The following ORM2 variants were observed in gnomAD, a reference collection of about 807,000 sequenced individuals.
ORM2 encodes the protein alpha-1-acid glycoprotein 2.
A neutral mutation model predicts 26.8 loss-of-function variants in ORM2; 19 were observed. The observed-to-expected ratio is 0.71, with a 90% CI of 0.49 to 1.04. The LOEUF (loss-of-function observed/expected upper bound fraction) is 1.04. ORM2 is among the 50% of genes least tolerant of loss of function. The pLI is 0.00. For synonymous variants in ORM2, 94 were observed against 100.0 expected, an observed-to-expected ratio of 0.94 and a Z score of 0.36; for missense variants, 259 against 244.9, an observed-to-expected ratio of 1.06 and a Z score of -0.39.
rs1439052543 is a variant in ORM2 at position 114,329,979 on chromosome 9, C to G, written c.75C>G (p.Asn25Lys). 1.5e-5 allele frequency: 23 copies of G among 1,576,104 alleles called. No homozygotes were observed. The highest frequency in any genetic ancestry group is 2.0e-5 in the Non-Finnish European group (23 of 1,164,482). Reference protein sequence around the residue: ...LLEAQIPLCANLVPVPITNAT... With the variant: ...LLEAQIPLCAKLVPVPITNAT... ...AAGCCCAGATCCCATTGTGTGCCAA[C>G]CTAGTACCGGTGCCCATCACCAACG... The change falls in exon 1 of 6, where the codon AAC (asparagine) becomes AAG (lysine). Residue 25 changes from asparagine to lysine, a missense_variant. This residue lies in a region of ORM2 where 251 missense variants were observed against 220.5 expected (regional missense o/e 1.14). Coordinates refer to ENST00000431067, the MANE Select transcript of ORM2 (RefSeq NM_000608.4).
chr9:114,330,607 C>T (rs748465288), intron 2 of ORM2, 31 bp downstream of exon 2: 3 of 1,610,382 alleles, frequency 1.9e-6, no homozygotes, highest in Non-Finnish European at 2.5e-6. Flanking sequence ...GCACCCCCAT[C>T]TCAGCTTCTG....
In ORM2 at chr9:114,330,789, T is replaced by C; in HGVS notation, c.258-3T>C. The C allele has an allele frequency of 6.2e-7, 1 of 1,613,740 alleles. No individual in the cohort carries two copies. On this transcript the variant is annotated splice_region_variant and splice_polypyrimidine_tract_variant and intron_variant, in intron 2 of 5. Coordinates refer to ENST00000431067, the MANE Select transcript of ORM2 (RefSeq NM_000608.4). Reference sequence around the variant, plus strand: ...TTTTCTTCCGCCTTCTGGTTGACTTTAGCCAGAACCAGTGCTTCTATAACT... The same window carrying C: ...TTTTCTTCCGCCTTCTGGTTGACTTCAGCCAGAACCAGTGCTTCTATAACT...
At chr9:114,330,885 G>C in intron 3 of ORM2, 23 bp downstream of exon 3, 1 of 1,606,752 alleles carries the variant, frequency 6.2e-7, no homozygotes, top group Non-Finnish European at 8.5e-7. Context: ...CCTCAGGCAG[G>C]AGGGTTCACC....
chr9:114,330,702 C>A, intron 2 of ORM2, 90 bp from the exon 3 acceptor site: 9 of 1,597,192 alleles, frequency 5.6e-6, no homozygotes, highest in East Asian at 2.2e-5. Context: ...TTAATCTCCA[C>A]CAGACTCTTG....
Position 114,332,320 on chromosome 9 carries a change from G to A in ORM2, c.540+391G>A, listed in dbSNP as rs1044940441. 3.9e-5 allele frequency among the ~76,000 whole-genome samples: 6 copies of A among 152,236 alleles called. No homozygotes were observed. In the South Asian group the frequency reaches 6.2e-4, roughly 16 times the overall value. ...ACCCGTGCAGTGGGGAATTGATACT[G>A]TGGTTTTCAATGTCACCCACACTGC... On this transcript the variant is annotated intron_variant, in intron 5 of 5. Coordinates refer to ENST00000431067, the MANE Select transcript of ORM2 (RefSeq NM_000608.4).
rs1484832781 is a variant in ORM2 at position 114,331,568 on chromosome 9, G to T, written c.330G>T (p.Glu110Asp). The change falls in exon 4 of 6, where the codon GAG becomes GAT. Residue 110 changes from glutamate to aspartate, a missense_variant and splice_region_variant. Physicochemically the swap from Glu to Asp is conservative, Grantham distance 45. Coordinates refer to ENST00000431067, the MANE Select transcript of ORM2 (RefSeq NM_000608.4). Reference sequence around the variant, plus strand: ...CCAGAGGCTCTTTTTCTCTTCCAGAGGGAGGCCGAGAACATGTTGCTCACC... The same window carrying T: ...CCAGAGGCTCTTTTTCTCTTCCAGATGGAGGCCGAGAACATGTTGCTCACC... ...QRENGTVSRY[E>D]GGREHVAHLL... The T allele has an allele frequency of 1.3e-5, 21 of 1,612,698 alleles. No homozygotes were observed. Among genetic ancestry groups the T allele is most frequent in the Non-Finnish European group, 1.7e-5 (20 of 1,179,032 alleles).
chr9:114,330,442 C>A lies in ORM2; in HGVS notation c.123C>A (p.Gly41=), dbSNP rs761966489. 2.8e-5 allele frequency: 45 copies of A among 1,580,896 alleles called. 1 individual carries two copies. The highest frequency in any genetic ancestry group is 3.7e-5 in the Non-Finnish European group (43 of 1,159,530). Residue 41 remains glycine (G), a synonymous_variant, in exon 2 of 6, where the codon GGC becomes GGA. Transcript: ENST00000431067. Reference sequence around the variant, plus strand: ...TCCCCCCTTCTCCCCAGATCACTGGCAAGTGGTTTTATATCGCATCGGCCT... The same window carrying A: ...TCCCCCCTTCTCCCCAGATCACTGGAAAGTGGTTTTATATCGCATCGGCCT... The part of the protein sequence containing the change: ...ITNATLDRIT[G]KWFYIASAFR...
rs376804960 is a variant in ORM2 at position 114,331,652 on chromosome 9, G to A, written c.414G>A (p.Lys138=). Reference sequence around the variant, plus strand: ...TTGGTTCCTACCTGGACGATGAGAAGAACTGGGGGCTGTCTTTCTATGGTA... The same window carrying A: ...TTGGTTCCTACCTGGACGATGAGAAAAACTGGGGGCTGTCTTTCTATGGTA... ...LMFGSYLDDE[K]NWGLSFYADK... is the part of the protein sequence containing the mutation. The change falls in exon 4 of 6, where the codon AAG becomes AAA. Residue 138 remains lysine, a synonymous_variant. Transcript: ENST00000431067. 31 of 1,613,832 alleles carry A rather than the reference G, an allele frequency of 1.9e-5. No individual in the cohort carries two copies. The highest frequency in any genetic ancestry group is 1.7e-5 in the Admixed American group (1 of 60,014).
Position 114,333,117 on chromosome 9 carries a change from G to A in ORM2, c.589G>A (p.Glu197Lys), listed in dbSNP as rs1460328143. ...EKQHEKERKQEEGES is the reference protein window; with the variant it reads ...EKQHEKERKQKEGES ...GCAGCACGAGAAGGAGAGGAAACAG[G>A]AGGAGGGGGAATCCTAGCAGGACAC... Residue 197 changes from glutamate (E) to lysine (K), a missense_variant, in exon 6 of 6, where the codon GAG becomes AAG. Physicochemically the swap from Glu to Lys is moderately conservative, Grantham distance 56. Transcript: ENST00000431067. 1.3e-6 allele frequency: 2 copies of A among 1,581,298 alleles called. No homozygotes were observed. Among genetic ancestry groups the A allele is most frequent in the Non-Finnish European group, 1.7e-6 (2 of 1,165,734 alleles).
rs781288368 is a variant in ORM2 at position 114,330,003 on chromosome 9, C to T, written c.99C>T (p.Asn33=). 6.9e-5 allele frequency: 109 copies of T among 1,580,706 alleles called. 3 individuals carry two copies. The highest frequency in any genetic ancestry group is 3.4e-4 in the South Asian group (30 of 88,756). Reference sequence around the variant, plus strand: ...ACCTAGTACCGGTGCCCATCACCAACGCCACCCTGGACCGGGTGAGTGCCT... The same window carrying T: ...ACCTAGTACCGGTGCCCATCACCAATGCCACCCTGGACCGGGTGAGTGCCT... ...CANLVPVPIT[N]ATLDRITGKW... Residue 33 remains asparagine (N), a synonymous_variant, in exon 1 of 6, where the codon AAC becomes AAT. Coordinates refer to ENST00000431067, the MANE Select transcript of ORM2 (RefSeq NM_000608.4).
intron 3 of ORM2, among the ~76,000 whole-genome samples, 200 bp from the exon 4 acceptor site, chr9:114,331,367 C>T (rs1829848529): frequency 6.6e-6 from 1 of 152,082 alleles, no homozygotes; most frequent in Non-Finnish European, 1.5e-5. Flanking sequence ...CTGTGTGAGG[C>T]TCCTGAGATC....
Position 114,330,654 on chromosome 9 carries a change from C to T in ORM2, c.257+78C>T, listed in dbSNP as rs1829835799. On this transcript the variant is annotated intron_variant, in intron 2 of 5. Coordinates refer to ENST00000431067, the MANE Select transcript of ORM2 (RefSeq NM_000608.4). Reference sequence around the variant, plus strand: ...TGAGCAAGTCCCTCCTTCTTCCTGGCCTTGGCCTTCCCATGGGTGGAACCG... The same window carrying T: ...TGAGCAAGTCCCTCCTTCTTCCTGGTCTTGGCCTTCCCATGGGTGGAACCG... The T allele has an allele frequency of 2.5e-6, 4 of 1,598,478 alleles. No homozygotes were observed. The African/African-American group carries it at 4.1e-5, about 16-fold the overall frequency.
At chr9:114,332,093 C>T (rs1370095938) in intron 5 of ORM2, among the ~76,000 whole-genome samples, 164 bp downstream of exon 5, 1 of 151,500 alleles carries the variant, frequency 6.6e-6, no homozygotes, top group African/African-American at 2.4e-5. Flanking sequence ...CTACAGAGGC[C>T]CAGGGGTGGT....
intron 5 of ORM2, 92 bp downstream of exon 5, chr9:114,332,021 C>T: frequency 8.9e-7 from 1 of 1,121,594 alleles, no homozygotes; most frequent in Non-Finnish European, 1.3e-6. Flanking sequence ...CCAGGCAAGG[C>T]TGCACAGCTA....
Position 114,333,114 on chromosome 9 carries a change from CAGG to C in ORM2, c.593_595del (p.Glu198del), listed in dbSNP as rs537714275. Reference sequence around the variant, plus strand: ...GAAGCAGCACGAGAAGGAGAGGAAACAGGAGGAGGGGGAATCCTAGCAGGACAC... The same window carrying C: ...GAAGCAGCACGAGAAGGAGAGGAAACAGGAGGGGGAATCCTAGCAGGACAC... On this transcript the variant is annotated inframe_deletion, in exon 6 of 6. Transcript: ENST00000431067. 5.3e-4 allele frequency: 846 copies of C among 1,582,778 alleles called. 10 individuals are homozygous for C. In the African/African-American group the frequency reaches 0.01, roughly 20 times the overall value.
In ORM2 at chr9:114,331,920, C is replaced by T. The variant is rs1826232; in HGVS notation, c.531C>T (p.Asp177=). 0.026 allele frequency: 42,352 copies of T among 1,612,788 alleles called. 7,053 individuals carry two copies. In the African/African-American group the frequency reaches 0.41, roughly 16 times the overall value. The change falls in exon 5 of 6, where the codon GAC becomes GAT. Residue 177 remains aspartate, a synonymous_variant. Transcript: ENST00000431067. The part of the protein sequence containing the change: ...CIPRSDVMYT[D]WKKDKCEPLE... ...CCAGGTCAGATGTCATGTACACCGA[C>T]TGGAAAAAGGTAAACGCAAGGGATT...
Position 114,330,844 on chromosome 9 carries a change from G to C in ORM2, c.310G>C (p.Gly104Arg). The change falls in exon 3 of 6, where the codon GGG (glycine) becomes CGG (arginine). Residue 104 changes from glycine to arginine, a missense_variant. Physicochemically the swap from Gly to Arg is moderately radical, Grantham distance 125. Around this residue, in one of 2 missense-constraint regions of ORM2, gnomAD observed 251 missense variants for 220.5 expected, o/e 1.14. Coordinates refer to ENST00000431067, the MANE Select transcript of ORM2 (RefSeq NM_000608.4). ...TTACCTGAATGTCCAGCGGGAGAAT[G>C]GGACCGTCTCCAGATACGGTGAGGG... is the stretch of plus-strand genomic sequence containing the variant. Reference protein sequence around the residue: ...SSYLNVQRENGTVSRYEGGRE... With the variant: ...SSYLNVQRENRTVSRYEGGRE... 2 of 1,613,932 alleles carry C rather than the reference G, an allele frequency of 1.2e-6. No homozygotes were observed. Among genetic ancestry groups the C allele is most frequent in the East Asian group, 2.2e-5 (1 of 44,870 alleles).
chr9:114,330,837 G>C lies in ORM2; in HGVS notation c.303G>C (p.Arg101=), dbSNP rs1170071613. 6.2e-7 allele frequency: 1 copy of C among 1,613,990 alleles called. No homozygotes were observed. Among genetic ancestry groups the C allele is most frequent in the East Asian group, 2.2e-5 (1 of 44,870 alleles). The change falls in exon 3 of 6, where the codon CGG becomes CGC. Residue 101 remains arginine, a synonymous_variant. Coordinates refer to ENST00000431067, the MANE Select transcript of ORM2 (RefSeq NM_000608.4). The part of the protein sequence containing the change: ...FYNSSYLNVQ[R]ENGTVSRYEG... ...ACTCCAGTTACCTGAATGTCCAGCG[G>C]GAGAATGGGACCGTCTCCAGATACG...
chr9:114,331,086 A>G (rs1438026183), intron 3 of ORM2, among the ~76,000 whole-genome samples: 2 of 152,088 alleles, frequency 1.3e-5, no homozygotes, highest in African/African-American at 4.8e-5. Context: ...CCAAGGTCAC[A>G]CAGCTTATAA....
Sources: gnomAD v4.1 joint callset for allele counts (sites outside exome capture counted in the v4.1 genomes callset) on GRCh38, gnomAD v4.1.1 for gene constraint, gnomAD v4.1.1 regional missense constraint, MANE v1.5 for transcripts, NCBI Gene and HGNC (gene_info 2026-07-23, HGNC 2026-07-21) for gene names.